N4BP2: variants seen among roughly 807,000 people sequenced by gnomAD.
N4BP2 encodes NEDD4 binding protein 2, also known as NEDD4-binding protein 2.
A neutral mutation model predicts 152.8 loss-of-function variants in N4BP2; 91 were observed. The observed-to-expected ratio is 0.60, with a 90% confidence interval of 0.50 to 0.71. The LOEUF (loss-of-function observed/expected upper bound fraction) is 0.71. Ranked by LOEUF, N4BP2 falls within the 30% of genes least tolerant of loss-of-function variation. The pLI, the probability that N4BP2 is intolerant of heterozygous loss-of-function variation, is 0.00. For synonymous variants in N4BP2, 646 were observed against 705.3 expected, an observed-to-expected ratio of 0.92 and a Z score of 1.33; for missense variants, 1,923 against 2,059.1, an observed-to-expected ratio of 0.93 and a Z score of 1.28.
At chr4:40,096,631 A>T (rs994087979) in intron 2 of N4BP2, among the ~76,000 whole-genome samples, 5 of 152,194 alleles carry the variant, frequency 3.3e-5, no homozygotes, top group Non-Finnish European at 7.3e-5. Flanking sequence ...CAAGGGTGGA[A>T]ACCAAGAGAT....
Position 40,154,374 on chromosome 4 carries a change from G to A in N4BP2, c.*137G>A. The A allele has an allele frequency of 1.9e-6, 1 of 536,972 alleles. No homozygotes were observed. The highest frequency in any genetic ancestry group is 2.0e-5 in the African/African-American group (1 of 50,250). 33.3% of individuals were successfully genotyped at this position (536,972 alleles called of 1,614,324 possible). ...AATTATGAAACAAAAAAATTATGATGTTTTTCAAAATGCAAGTGAGGTTTG... is the reference window on the plus strand; with the variant it reads ...AATTATGAAACAAAAAAATTATGATATTTTTCAAAATGCAAGTGAGGTTTG... On this transcript the variant is annotated 3_prime_UTR_variant, in exon 18 of 18. Coordinates refer to ENST00000261435, the MANE Select transcript of N4BP2 (RefSeq NM_018177.6).
Position 40,154,448 on chromosome 4 carries a change from A to G in N4BP2, c.*211A>G. ...ATGTTACCTGTTAAAGATATTACAGAGAAATTTTATTGATTACAAAATATG... is the reference window on the plus strand; with the variant it reads ...ATGTTACCTGTTAAAGATATTACAGGGAAATTTTATTGATTACAAAATATG... On this transcript the variant is annotated 3_prime_UTR_variant, in exon 18 of 18. Coordinates refer to ENST00000261435, the MANE Select transcript of N4BP2 (RefSeq NM_018177.6). 2.3e-6 allele frequency: 1 copy of G among 433,814 alleles called. No homozygotes were observed. The highest frequency in any genetic ancestry group is 4.0e-5 in the South Asian group (1 of 25,012). The allele number at this position is 433,814 out of a possible 1,614,324, so 26.9% of individuals were successfully genotyped here.
chr4:40,073,801 T>G (rs1377399709), intron 2 of N4BP2, among the ~76,000 whole-genome samples: 1 of 151,720 alleles, frequency 6.6e-6, no homozygotes, highest in Non-Finnish European at 1.5e-5. Context: ...GTTTTTGTTT[T>G]GTTTTTTTGA....
At chr4:40,103,439 G>T (rs1343584051) in intron 4 of N4BP2, among the ~76,000 whole-genome samples, 1 of 152,040 alleles carries the variant, frequency 6.6e-6, no homozygotes, top group Non-Finnish European at 1.5e-5. Flanking sequence ...AAAGACAGAA[G>T]AAAAAATTAA....
At position 40,092,008 on chromosome 4, in the gene N4BP2, TTATATATATATATATATATATA is replaced by T. The variant is rs1221314746; in HGVS notation, c.-114-5202_-114-5181del. On this transcript the variant is annotated intron_variant, in intron 2 of 17. Coordinates refer to ENST00000261435, the MANE Select transcript of N4BP2 (RefSeq NM_018177.6). ...AAAAAAAAAAAAAAAAAAAAAAAAA[TTATATATATATATATATATATA>T]TATATATATATATATAGCTGAATTT... Among the ~76,000 whole-genome samples, 24 of 27,208 alleles carry T rather than the reference TTATATATATATATATATATATA, an allele frequency of 8.8e-4. No homozygotes were observed. The South Asian group carries it at 0.02, about 22-fold the overall frequency. 17.8% of individuals were successfully genotyped at this position (27,208 alleles called of 152,430 possible).
At position 40,097,570 on chromosome 4, in the gene N4BP2, G is replaced by C. The variant is rs1230581456; in HGVS notation, c.229+1G>C. The C allele has an allele frequency of 6.3e-7, 1 of 1,595,242 alleles. No individual in the cohort carries two copies. Among genetic ancestry groups the C allele is most frequent in the South Asian group, 1.1e-5 (1 of 90,614 alleles). On this transcript the variant is annotated splice_donor_variant, in intron 3 of 17. Transcript: ENST00000261435. LOFTEE classifies it high-confidence loss of function. Reference sequence around the variant, plus strand: ...ATGCTTTCTGAATGTGATTTCAAAGGTGAGAAAAAGTTTAGTTTGAACCCT... The same window carrying C: ...ATGCTTTCTGAATGTGATTTCAAAGCTGAGAAAAAGTTTAGTTTGAACCCT...
chr4:40,096,164 G>A (rs1189613271), intron 2 of N4BP2, among the ~76,000 whole-genome samples: 2 of 152,142 alleles, frequency 1.3e-5, no homozygotes, highest in Non-Finnish European at 2.9e-5. Flanking sequence ...TGCCCTTGTG[G>A]AGCTTACACT....
intron 1 of N4BP2, among the ~76,000 whole-genome samples, chr4:40,066,445 A>AGTACCTG (rs199659511): frequency 0.023 from 3,482 of 151,680 alleles, 138 homozygotes; most frequent in African/African-American, 0.078. Flanking sequence ...CAGTCTCCCA[A>AGTACCTG]GTACCTGGGA....
At chr4:40,114,406 C>T (rs773739559) in intron 7 of N4BP2, among the ~76,000 whole-genome samples, 8 of 152,182 alleles carry the variant, frequency 5.3e-5, no homozygotes, top group Non-Finnish European at 1.2e-4. Flanking sequence ...CTCCTCTTGG[C>T]AACCACTAAT....
chr4:40,159,647 G>A (rs945262720), downstream of N4BP2, among the ~76,000 whole-genome samples: 1 of 152,172 alleles, frequency 6.6e-6, no homozygotes, highest in African/African-American at 2.4e-5. Flanking sequence ...CCAGAACCTA[G>A]TCATGTCATA....
At chr4:40,160,334 A>G (rs1286671628), downstream of N4BP2, among the ~76,000 whole-genome samples, 3 of 152,100 alleles carry the variant, frequency 2.0e-5, no homozygotes, top group African/African-American at 7.2e-5. Context: ...GTATTTTTCG[A>G]TTTTGTGATG....
At chr4:40,145,027 G>A (rs1016699451) in intron 16 of N4BP2, among the ~76,000 whole-genome samples, 1 of 152,106 alleles carries the variant, frequency 6.6e-6, no homozygotes, top group South Asian at 2.1e-4. Context: ...ATTTATTAAC[G>A]GGAGGGCATG....
intron 13 of N4BP2, among the ~76,000 whole-genome samples, chr4:40,135,612 G>T (rs1392060596): frequency 6.6e-6 from 1 of 152,112 alleles, no homozygotes; most frequent in Non-Finnish European, 1.5e-5. Flanking sequence ...GTTCAGGCTG[G>T]AGTGCAGTGG....
intron 17 of N4BP2, 139 bp from the exon 18 acceptor site, chr4:40,154,053 G>A (rs1367565669): frequency 1.7e-6 from 1 of 602,550 alleles, no homozygotes; most frequent in African/African-American, 2.0e-5. Context: ...TGTTGGTCTT[G>A]GATATTGACT....
At chr4:40,145,804 A>G (rs1018113723) in intron 16 of N4BP2, among the ~76,000 whole-genome samples, 1 of 152,168 alleles carries the variant, frequency 6.6e-6, no homozygotes, top group African/African-American at 2.4e-5. Flanking sequence ...AGTGGGGTAT[A>G]CCATCTAGTA....
intron 1 of N4BP2, among the ~76,000 whole-genome samples, chr4:40,067,407 A>AT (rs368006880): frequency 9.2e-4 from 125 of 135,654 alleles, no homozygotes; most frequent in African/African-American, 1.1e-3. Context: ...TATGTACCAC[A>AT]TTTTTTTTTT....
At chr4:40,180,326 C>T in the N4BP2 span, among the ~76,000 whole-genome samples, 1 of 152,006 alleles carries the variant, frequency 6.6e-6, no homozygotes, top group Non-Finnish European at 1.5e-5. Flanking sequence ...TGTTGAATCT[C>T]AATAATAATT....
chr4:40,079,766 C>A (rs567231840), intron 2 of N4BP2, among the ~76,000 whole-genome samples: 68 of 152,052 alleles, frequency 4.5e-4, no homozygotes, highest in Non-Finnish European at 8.5e-4. Flanking sequence ...CATGCCACTG[C>A]AGCTCAGCCT....
intron 1 of N4BP2, among the ~76,000 whole-genome samples, chr4:40,071,890 T>TTTTTA (rs935338831): frequency 5.9e-5 from 9 of 151,878 alleles, no homozygotes; most frequent in South Asian, 4.2e-4. Flanking sequence ...TTAAAAAACA[T>TTTTTA]TTTTATTTTA....
Sources: gnomAD v4.1 joint callset for allele counts (sites outside exome capture counted in the v4.1 genomes callset) on GRCh38, gnomAD v4.1.1 for gene constraint, MANE v1.5 for transcripts, NCBI Gene and HGNC (gene_info 2026-07-23, HGNC 2026-07-21) for gene names.